Variants in DNM3 observed in about 807,000 individuals in gnomAD.
DNM3 encodes dynamin 3.
In DNM3, 47 loss-of-function variants were observed where a neutral mutation model predicts 101.6. The observed-to-expected ratio is 0.46, with a 90% CI of 0.37 to 0.59. DNM3 has a LOEUF of 0.59. Ranked by LOEUF, DNM3 falls within the 20% of genes least tolerant of loss-of-function variation. The pLI is 0.00. For synonymous variants in DNM3, 385 were observed against 387.9 expected (o/e 0.99, Z 0.09); for missense variants, 849 against 1,085.7 (o/e 0.78, Z 3.06).
chr1:172,077,701 C>T (rs2052777865), intron 11 of DNM3, among the ~76,000 whole-genome samples: 2 of 152,100 alleles, frequency 1.3e-5, no homozygotes, highest in Non-Finnish European at 2.9e-5. Context: ...TGTTCTTTTG[C>T]ATTTGCTGAG....
chr1:172,152,489 T>A (rs1481948979), intron 14 of DNM3, among the ~76,000 whole-genome samples: 1 of 152,142 alleles, frequency 6.6e-6, no homozygotes, highest in Non-Finnish European at 1.5e-5. Context: ...TTAGTATTGC[T>A]CACCCTGTGA....
chr1:171,895,329 C>T (rs975459773), intron 1 of DNM3, among the ~76,000 whole-genome samples: 2 of 152,178 alleles, frequency 1.3e-5, no homozygotes, highest in Non-Finnish European at 2.9e-5. Context: ...GATTGCCATT[C>T]TAACTGGTGT....
At chr1:172,135,491 TTTG>T (rs1219650136) in intron 14 of DNM3, among the ~76,000 whole-genome samples, 1 of 150,654 alleles carries the variant, frequency 6.6e-6, no homozygotes, top group Non-Finnish European at 1.5e-5. Flanking sequence ...TTAGTGTTTT[TTTG>T]TTTTTGTTTT....
intron 13 of DNM3, among the ~76,000 whole-genome samples, chr1:172,105,258 G>A (rs995697208): frequency 6.6e-6 from 1 of 152,184 alleles, no homozygotes; most frequent in Admixed American, 6.5e-5. Flanking sequence ...TGCCTTGAAT[G>A]TATTCCTTAC....
At chr1:172,228,926 T>A (rs2061236360) in intron 14 of DNM3, among the ~76,000 whole-genome samples, 1 of 152,144 alleles carries the variant, frequency 6.6e-6, no homozygotes, top group Non-Finnish European at 1.5e-5. Flanking sequence ...TCAATCATTG[T>A]CACCAAAGAC....
At chr1:171,947,006 G>T (rs2042212481) in intron 2 of DNM3, among the ~76,000 whole-genome samples, 1 of 152,172 alleles carries the variant, frequency 6.6e-6, no homozygotes, top group African/African-American at 2.4e-5. Flanking sequence ...CTGGGGATCA[G>T]ATTTTAACAT....
intron 17 of DNM3, among the ~76,000 whole-genome samples, chr1:172,361,744 C>T (rs1035102961): frequency 6.6e-6 from 1 of 151,938 alleles, no homozygotes; most frequent in Non-Finnish European, 1.5e-5. Flanking sequence ...TTGTCTGTGA[C>T]ATCATTCTGC....
At position 171,846,930 on chromosome 1, in the gene DNM3, C is replaced by A. The variant is rs115400589; in HGVS notation, c.161+5113C>A. On this transcript the variant is annotated intron_variant, in intron 1 of 20. Transcript: ENST00000627582. Reference sequence around the variant, plus strand: ...ATACCTTCTATTCCTTACCTGTTTCCATATCCCCATGTCAATAGGGGAGAA... The same window carrying A: ...ATACCTTCTATTCCTTACCTGTTTCAATATCCCCATGTCAATAGGGGAGAA... Among the ~76,000 whole-genome samples, 449 of 152,290 alleles carry A rather than the reference C, an allele frequency of 2.9e-3. 4 individuals carry two copies. The highest frequency in any genetic ancestry group is 9.9e-3 in the African/African-American group (410 of 41,546).
In DNM3 at chr1:172,089,521, A is replaced by G. The variant is rs555749830; in HGVS notation, c.1494-3303A>G. ...TTATTATGCAGAAGAATTATGAGAA[A>G]GAATGTATTCTAAGCAGGCAGCTTT... is the stretch of plus-strand genomic sequence containing the variant. On this transcript the variant is annotated intron_variant, in intron 12 of 20. Transcript: ENST00000627582. Among the ~76,000 whole-genome samples, 41 of 152,342 alleles carry G rather than the reference A, an allele frequency of 2.7e-4. No homozygotes were observed. The South Asian group carries it at 8.3e-3, about 31-fold the overall frequency.
intron 1 of DNM3, among the ~76,000 whole-genome samples, chr1:171,904,806 A>G (rs1195203882): frequency 6.6e-6 from 1 of 152,140 alleles, no homozygotes; most frequent in Non-Finnish European, 1.5e-5. Context: ...CTTATAGATA[A>G]CTTGGTACGG....
intron 11 of DNM3, among the ~76,000 whole-genome samples, chr1:172,081,598 A>G (rs902102219): frequency 2.0e-5 from 3 of 152,176 alleles, no homozygotes; most frequent in Non-Finnish European, 2.9e-5. Context: ...ATAAGTTATA[A>G]TGCTATTCTC....
At chr1:172,364,134 A>C (rs1210443091) in intron 17 of DNM3, among the ~76,000 whole-genome samples, 2 of 151,924 alleles carry the variant, frequency 1.3e-5, no homozygotes, top group Non-Finnish European at 2.9e-5. Context: ...CTGTGCTGTG[A>C]CTTTCCCTTT....
chr1:172,222,017 G>A (rs1044820945), intron 14 of DNM3, among the ~76,000 whole-genome samples: 2 of 152,070 alleles, frequency 1.3e-5, no homozygotes, highest in African/African-American at 4.8e-5. Context: ...GACTCATTGC[G>A]AGTATATTAT....
intron 14 of DNM3, among the ~76,000 whole-genome samples, chr1:172,165,928 T>C (rs1194279731): frequency 6.6e-6 from 1 of 152,082 alleles, no homozygotes; most frequent in East Asian, 1.9e-4. Context: ...ATCTTTTTTG[T>C]GCCAGGCACT....
At chr1:172,038,047 C>G (rs1332037504) in intron 6 of DNM3, among the ~76,000 whole-genome samples, 2 of 152,134 alleles carry the variant, frequency 1.3e-5, no homozygotes, top group Non-Finnish European at 2.9e-5. Flanking sequence ...ACATTAGCTG[C>G]ATTTTAACAG....
chr1:171,848,348 G>C (rs1378777899), intron 1 of DNM3, among the ~76,000 whole-genome samples: 1 of 152,070 alleles, frequency 6.6e-6, no homozygotes, highest in Admixed American at 6.5e-5. Context: ...ACAGGGAGCA[G>C]AATTTTTCTC....
At chr1:172,002,333 T>C (rs2125676026) in intron 4 of DNM3, among the ~76,000 whole-genome samples, 1 of 152,206 alleles carries the variant, frequency 6.6e-6, no homozygotes, top group African/African-American at 2.4e-5. Flanking sequence ...TATAATATGG[T>C]TGAGACCCAT....
intron 14 of DNM3, among the ~76,000 whole-genome samples, chr1:172,148,197 T>TAC (rs2057991473): frequency 6.6e-6 from 1 of 152,132 alleles, no homozygotes; most frequent in Admixed American, 6.6e-5. Context: ...GCTTTCACAG[T>TAC]TTTGTACTAA....
At chr1:172,357,826 T>C (rs1027663773) in intron 17 of DNM3, among the ~76,000 whole-genome samples, 7 of 152,126 alleles carry the variant, frequency 4.6e-5, no homozygotes, top group African/African-American at 1.7e-4. Context: ...ATAGTGTTAA[T>C]GATAGCTTCC....
Sources: gnomAD v4.1 joint callset for allele counts (sites outside exome capture counted in the v4.1 genomes callset) on GRCh38, gnomAD v4.1.1 for gene constraint, MANE v1.5 for transcripts, NCBI Gene and HGNC (gene_info 2026-07-23, HGNC 2026-07-21) for gene names.